ATP11C: variants seen among roughly 807,000 people sequenced by gnomAD.
ATP11C encodes the protein phospholipid-transporting ATPase IG.
ATP11C carries 36 observed loss-of-function variants against 97.4 expected under a neutral mutation model. The observed-to-expected ratio is 0.37, with a 90% confidence interval of 0.28 to 0.49. The LOEUF is 0.49. Ranked by LOEUF, ATP11C falls within the 20% of genes least tolerant of loss-of-function variation. The probability of loss-of-function intolerance (pLI) is 0.98; values close to 1 mark genes in which losing one functional copy is unlikely to be tolerated. For synonymous variants in ATP11C, 275 were observed against 290.9 expected (o/e 0.95, Z 0.56); for missense variants, 730 against 824.6 (o/e 0.89, Z 1.40).
chrX:139,933,998 G>T (rs1386315495), upstream of ATP11C, among the ~76,000 whole-genome samples: 1 of 111,641 alleles, frequency 9.0e-6, no homozygotes, highest in Non-Finnish European at 1.9e-5. Context: ...CTGAAAATGG[G>T]GTTTGGGAAG....
chrX:139,903,074 C>T (rs1250248170), intron 1 of ATP11C, among the ~76,000 whole-genome samples: 1 of 111,712 alleles, frequency 9.0e-6, no homozygotes, highest in Non-Finnish European at 1.9e-5. Flanking sequence ...TGAGAAGAAA[C>T]CCACAAACAG....
At chrX:139,762,816 G>A (rs115561294) in intron 21 of ATP11C, among the ~76,000 whole-genome samples, 1,200 of 111,210 alleles carry the variant, frequency 0.011, 13 homozygotes, top group African/African-American at 0.038. Flanking sequence ...GGTACAGGTG[G>A]TGGAAAAGCT....
rs957477470 is a variant in ATP11C at position 139,787,309 on chromosome X, T to C, written c.1521-65A>G. On this transcript the variant is annotated intron_variant, in intron 14 of 29. Transcript: ENST00000682941. ...GAATGATTAATTTTTTTATTATTAT[T>C]TTTTTTGAGACAGAGTCTCGCTCTG... 8 of 962,164 alleles carry C rather than the reference T, an allele frequency of 8.3e-6. No individual in the cohort carries two copies. The African/African-American group carries it at 1.0e-4, about 12-fold the overall frequency. 79.3% of individuals were successfully genotyped at this position (962,164 alleles called of 1,213,427 possible).
At chrX:139,923,517 T>C (rs2148177688) in intron 1 of ATP11C, among the ~76,000 whole-genome samples, 1 of 112,191 alleles carries the variant, frequency 8.9e-6, no homozygotes. Flanking sequence ...AAATAGGGGA[T>C]GAGTGTTCCA....
At chrX:139,759,409 T>C (rs1330050647) in intron 22 of ATP11C, among the ~76,000 whole-genome samples, 3 of 112,308 alleles carry the variant, frequency 2.7e-5, no homozygotes, top group African/African-American at 9.7e-5. Flanking sequence ...CAAGAATGTA[T>C]ATATTTTAAA....
At chrX:139,790,642 T>C (rs771092883) in intron 12 of ATP11C, among the ~76,000 whole-genome samples, 2 of 111,505 alleles carry the variant, frequency 1.8e-5, no homozygotes, top group Non-Finnish European at 3.8e-5. Context: ...AATACTGAAT[T>C]AAAATAAAAT....
intron 27 of ATP11C, among the ~76,000 whole-genome samples, chrX:139,740,577 T>C (rs1438335606): frequency 1.8e-5 from 2 of 112,095 alleles, no homozygotes; most frequent in Non-Finnish European, 3.8e-5. Context: ...ACATGAATCA[T>C]GGTTATATAC....
At chrX:139,769,148 ACT>A (rs2082196913) in intron 19 of ATP11C, among the ~76,000 whole-genome samples, 1 of 103,390 alleles carries the variant, frequency 9.7e-6, no homozygotes, top group Non-Finnish European at 2.0e-5. Flanking sequence ...AAGCAGCCTG[ACT>A]CTGTATAAGA....
At chrX:139,843,924 A>C (rs1328379212) in intron 1 of ATP11C, among the ~76,000 whole-genome samples, 6 of 111,547 alleles carry the variant, frequency 5.4e-5, no homozygotes, top group South Asian at 3.7e-4. Context: ...AAAAAAAAAA[A>C]AACTGATGTC....
chrX:139,911,065 TAGAGAA>T (rs1210880493), intron 1 of ATP11C, among the ~76,000 whole-genome samples: 3 of 110,850 alleles, frequency 2.7e-5, no homozygotes, highest in African/African-American at 9.8e-5. Context: ...AACATTGGCA[TAGAGAA>T]AGATTGCTTA....
At chrX:139,855,867 G>T (rs2084081920) in intron 1 of ATP11C, among the ~76,000 whole-genome samples, 2 of 111,719 alleles carry the variant, frequency 1.8e-5, no homozygotes, top group Admixed American at 1.9e-4. Flanking sequence ...TCAACCAGGA[G>T]GCTTGCCCCC....
rs1357011465 is a variant in ATP11C at position 139,731,729 on chromosome X, A to T, written c.3315T>A (p.Ser1105=). 1.3e-5 allele frequency: 15 copies of T among 1,192,751 alleles called. No individual in the cohort carries two copies. Among genetic ancestry groups the T allele is most frequent in the Non-Finnish European group, 1.7e-5 (15 of 883,576 alleles). Reference sequence around the variant, plus strand: ...CTGAAGGTCTGGCGGATAATGAGTCAGATGCCCTTCTACAGCTCAGATTTC... The same window carrying T: ...CTGAAGGTCTGGCGGATAATGAGTCTGATGCCCTTCTACAGCTCAGATTTC... ...ARRNLSCRRA[S]DSLSARPSVR... is the part of the protein sequence containing the mutation. The change falls in exon 29 of 30, where the codon TCT becomes TCA. Residue 1105 remains serine (S), a synonymous_variant. Coordinates refer to ENST00000682941, the MANE Select transcript of ATP11C (RefSeq NM_001353812.2).
chrX:139,862,529 T>C (rs187853787), intron 1 of ATP11C, among the ~76,000 whole-genome samples: 300 of 111,615 alleles, frequency 2.7e-3, no homozygotes, highest in African/African-American at 9.2e-3. Context: ...TTGGAAAAAA[T>C]CCCCACATTT....
intron 1 of ATP11C, among the ~76,000 whole-genome samples, chrX:139,860,543 T>G (rs1039008789): frequency 8.1e-5 from 9 of 111,706 alleles, no homozygotes; most frequent in African/African-American, 2.9e-4. Context: ...TCAGGCTGGG[T>G]GCAGTGGCTC....
intron 1 of ATP11C, among the ~76,000 whole-genome samples, chrX:139,855,004 T>A (rs1284383275): frequency 8.9e-6 from 1 of 112,077 alleles, no homozygotes; most frequent in African/African-American, 3.2e-5. Flanking sequence ...TCTATAAAAA[T>A]CTTACCTTAT....
intron 1 of ATP11C, 25 bp from the exon 2 acceptor site, chrX:139,826,848 T>A (rs1426521657): frequency 2.0e-5 from 24 of 1,189,572 alleles, no homozygotes; most frequent in Non-Finnish European, 2.5e-5. Context: ...AGGGAAAAAA[T>A]TCAGTTTTTC....
chrX:139,733,995 T>C (rs1403092460), intron 28 of ATP11C, among the ~76,000 whole-genome samples: 1 of 111,152 alleles, frequency 9.0e-6, no homozygotes, highest in Non-Finnish European at 1.9e-5. Flanking sequence ...GATAATGAGC[T>C]AAAACAGAAT....
At chrX:139,878,664 C>T (rs752282369) in intron 1 of ATP11C, among the ~76,000 whole-genome samples, 44 of 111,359 alleles carry the variant, frequency 4.0e-4, no homozygotes, top group Non-Finnish European at 7.3e-4. Context: ...GGGAAGAATT[C>T]GTTCTACCCC....
At chrX:139,827,235 A>G (rs1369857163) in intron 1 of ATP11C, among the ~76,000 whole-genome samples, 2 of 112,244 alleles carry the variant, frequency 1.8e-5, no homozygotes, top group African/African-American at 3.2e-5. Flanking sequence ...CCTTTCAACT[A>G]CCTTACTAGA....
Sources: allele counts gnomAD v4.1 joint callset (sites outside exome capture counted in the v4.1 genomes callset), GRCh38; gene constraint gnomAD v4.1.1; transcripts MANE v1.5; gene names NCBI Gene and HGNC (gene_info 2026-07-23, HGNC 2026-07-21).